Variants in CSF1R observed in about 807,000 individuals in gnomAD.
CSF1R encodes the protein macrophage colony-stimulating factor 1 receptor.
Under a neutral mutation model 110.0 loss-of-function variants are expected in CSF1R, and 40 were observed. The observed-to-expected ratio is 0.36, with a 90% CI of 0.28 to 0.47. The LOEUF (loss-of-function observed/expected upper bound fraction) is 0.47. CSF1R is among the 20% of genes least tolerant of loss of function. CSF1R has a pLI of 0.99. For missense variants in CSF1R, 1,052 were observed against 1,253.0 expected, an observed-to-expected ratio of 0.84 and a Z score of 2.42; for synonymous variants, 523 against 503.4, an observed-to-expected ratio of 1.04 and a Z score of -0.52.
chr5:150,081,027 G>C lies in CSF1R; in HGVS notation c.50-3C>G. The stretch of plus-strand genomic sequence containing the variant: ...CTCTATCACTGGGATTCCCTGACCT[G>C]GTGGGAGAGAGGGACAGCAGACAGA... On this transcript the variant is annotated splice_region_variant and splice_polypyrimidine_tract_variant and intron_variant, in intron 1 of 20. Transcript: ENST00000675795. The C allele has an allele frequency of 6.2e-7, 1 of 1,613,694 alleles. No homozygotes were observed. The highest frequency in any genetic ancestry group is 8.5e-7 in the Non-Finnish European group (1 of 1,179,690).
At chr5:150,074,868 C>T (rs1758195145) in intron 5 of CSF1R, among the ~76,000 whole-genome samples, 1 of 148,474 alleles carries the variant, frequency 6.7e-6, no homozygotes, top group African/African-American at 2.5e-5. Flanking sequence ...ACGCTCCACC[C>T]ATCTGGGTCT....
intron 4 of CSF1R, among the ~76,000 whole-genome samples, chr5:150,077,640 G>A (rs1758328351): frequency 6.6e-6 from 1 of 152,188 alleles, no homozygotes; most frequent in Non-Finnish European, 1.5e-5. Context: ...GCTTAGGGCT[G>A]TGTCTGGAAC....
chr5:150,106,820 T>C (rs1487062169), intron 1 of CSF1R, among the ~76,000 whole-genome samples: 1 of 152,184 alleles, frequency 6.6e-6, no homozygotes, highest in Non-Finnish European at 1.5e-5. Context: ...TACTTCTGCT[T>C]CCACCTGGCC....
At chr5:150,100,958 G>A (rs974114805) in intron 1 of CSF1R, among the ~76,000 whole-genome samples, 1 of 152,034 alleles carries the variant, frequency 6.6e-6, no homozygotes, top group Admixed American at 6.6e-5. Context: ...CCCATTCTGT[G>A]GTTTGTCTCT....
chr5:150,086,574 C>G (rs1384755604), upstream of CSF1R: 3 of 676,538 alleles, frequency 4.4e-6, no homozygotes, highest in Non-Finnish European at 2.5e-6. Context: ...TCCTCTTCCT[C>G]CTCCTTGGGC....
chr5:150,069,259 C>A lies in CSF1R; in HGVS notation c.1510+614G>T, dbSNP rs1300269556. The stretch of plus-strand genomic sequence containing the variant: ...GTGCCAGAGCCTGGTTGTCAAAAGC[C>A]TGAGGATGCTGTGGGCCTCTGAGAA... On this transcript the variant is annotated intron_variant, in intron 9 of 20. Transcript: ENST00000675795. Among the ~76,000 whole-genome samples, 2 of 152,170 alleles carry A rather than the reference C, an allele frequency of 1.3e-5. 1 individual carries two copies. Among genetic ancestry groups the A allele is most frequent in the African/African-American group, 4.8e-5 (2 of 41,434 alleles).
intron 1 of CSF1R, among the ~76,000 whole-genome samples, chr5:150,106,950 G>A (rs963685237): frequency 6.6e-6 from 1 of 152,206 alleles, no homozygotes; most frequent in Non-Finnish European, 1.5e-5. Flanking sequence ...TTGGTGTGAT[G>A]TCATTCTGAC....
Position 150,060,786 on chromosome 5 carries a change from G to A in CSF1R, c.1969+76C>T. On this transcript the variant is annotated intron_variant, in intron 13 of 20. Coordinates refer to ENST00000675795, the MANE Select transcript of CSF1R (RefSeq NM_001288705.3). ...GTAGGATCCTGAGAAGGAGAAGACG[G>A]AACAAGGTAGCCCTGGGGCCCTGAG... 6 of 923,004 alleles carry A rather than the reference G, an allele frequency of 6.5e-6. No homozygotes were observed. The South Asian group carries it at 9.2e-5, about 14-fold the overall frequency. 57.2% of individuals were successfully genotyped at this position (923,004 alleles called of 1,614,324 possible).
Position 150,094,539 on chromosome 5 carries a change from A to T in CSF1R, c.-180-7932T>A, listed in dbSNP as rs1446039531. 3 of 1,598,512 alleles carry T rather than the reference A, an allele frequency of 1.9e-6. No homozygotes were observed. The African/African-American group carries it at 4.0e-5, about 21-fold the overall frequency. ...GGCGAGGATGGCAAGAAAAGCTGGC[A>T]ACTTCTATGTACCTGCAGAACCCAA... is the stretch of plus-strand genomic sequence containing the variant. On this transcript the variant is annotated intron_variant, in intron 1 of 21. Coordinates refer to the CSF1R transcript ENST00000286301.
chr5:150,058,623 T>G (rs1048992682), intron 14 of CSF1R, among the ~76,000 whole-genome samples: 2 of 152,188 alleles, frequency 1.3e-5, no homozygotes, highest in African/African-American at 2.4e-5. Flanking sequence ...GATCTGATCT[T>G]CAGAGGCCTA....
chr5:150,091,993 T>C (rs1441786756), intron 1 of CSF1R, among the ~76,000 whole-genome samples: 1 of 152,114 alleles, frequency 6.6e-6, no homozygotes, highest in Non-Finnish European at 1.5e-5. Flanking sequence ...AAAAATATGA[T>C]TGCTTTTTAA....
intron 1 of CSF1R, among the ~76,000 whole-genome samples, chr5:150,082,011 G>A (rs1331353311): frequency 1.3e-5 from 2 of 152,200 alleles, no homozygotes; most frequent in African/African-American, 4.8e-5. Flanking sequence ...TTGGCGTCAG[G>A]CTCAGCCCCC....
intron 6 of CSF1R, among the ~76,000 whole-genome samples, chr5:150,071,896 C>T (rs1758050122): frequency 6.6e-6 from 1 of 152,228 alleles, no homozygotes; most frequent in African/African-American, 2.4e-5. Flanking sequence ...ATCCTTGTTG[C>T]TTCTGACAAT....
At chr5:150,092,710 C>A (rs527726780) in intron 1 of CSF1R, among the ~76,000 whole-genome samples, 154 of 152,214 alleles carry the variant, frequency 1.0e-3, no homozygotes, top group African/African-American at 3.6e-3. Flanking sequence ...GGAAAACTGC[C>A]CCCATGATTC....
intron 18 of CSF1R, 47 bp downstream of exon 18, chr5:150,055,979 A>G: frequency 6.4e-7 from 1 of 1,559,440 alleles, no homozygotes; most frequent in Non-Finnish European, 8.8e-7. Flanking sequence ...TGGGGCAACC[A>G]GAGGAGCCAG....
rs1055209772 is a variant in CSF1R, at chr5:150,056,051, G to A, written c.2529C>T (p.Ile843=). The change falls in exon 18 of 21, where the codon ATC becomes ATT. Residue 843 remains isoleucine, a synonymous_variant. Transcript: ENST00000675795. ...TVQSDVWSYG[I]LLWEIFSLGL... ...CAAGTGAGAAGATCTCCCAGAGGAG[G>A]ATGCCATAGGACCAGACGTCGCTCT... 2 of 1,614,236 alleles carry A rather than the reference G, an allele frequency of 1.2e-6. No homozygotes were observed. The highest frequency in any genetic ancestry group is 2.2e-5 in the East Asian group (1 of 44,884).
intron 1 of CSF1R, among the ~76,000 whole-genome samples, chr5:150,081,252 G>C (rs999771185): frequency 6.6e-6 from 1 of 152,080 alleles, no homozygotes; most frequent in African/African-American, 2.4e-5. Flanking sequence ...TGAGAAAGGG[G>C]GCTTGCAGCT....
intron 14 of CSF1R, among the ~76,000 whole-genome samples, chr5:150,057,988 C>A (rs1308569256): frequency 6.6e-6 from 1 of 152,118 alleles, no homozygotes; most frequent in Non-Finnish European, 1.5e-5. Flanking sequence ...TGCCTCACAC[C>A]CCTGGCTTCA....
intron 1 of CSF1R, among the ~76,000 whole-genome samples, chr5:150,107,050 T>C (rs1759579389): frequency 6.6e-6 from 1 of 152,242 alleles, no homozygotes; most frequent in Non-Finnish European, 1.5e-5. Flanking sequence ...GCCTGGCAGA[T>C]GAGTGCTCAG....
Sources: gnomAD v4.1 joint callset for allele counts (sites outside exome capture counted in the v4.1 genomes callset) on GRCh38, gnomAD v4.1.1 for gene constraint, MANE v1.5 for transcripts, NCBI Gene and HGNC (gene_info 2026-07-23, HGNC 2026-07-21) for gene names.